ENOX1: variants seen among roughly 807,000 people sequenced by gnomAD.
ENOX1 encodes candidate growth-related and time keeping constitutive hydroquinone (NADH) oxidase.
A neutral mutation model predicts 82.5 loss-of-function variants in ENOX1; 42 were observed. That is an observed-to-expected ratio of 0.51 (90% confidence interval 0.40 to 0.66). The LOEUF is 0.66. Ranked by LOEUF, ENOX1 falls within the 30% of genes least tolerant of loss-of-function variation. ENOX1 has a pLI of 0.00. For synonymous variants in ENOX1, 271 were observed against 282.2 expected (o/e 0.96, Z 0.40); for missense variants, 608 against 811.6 (o/e 0.75, Z 3.05).
At chr13:43,575,932 T>G (rs1450112958) in intron 2 of ENOX1, among the ~76,000 whole-genome samples, 3 of 152,236 alleles carry the variant, frequency 2.0e-5, no homozygotes, top group Non-Finnish European at 4.4e-5. Context: ...AGCAATATGT[T>G]GTAATACATA....
intron 2 of ENOX1, among the ~76,000 whole-genome samples, chr13:43,614,205 A>G (rs1463708639): frequency 2.6e-5 from 4 of 152,204 alleles, no homozygotes; most frequent in East Asian, 1.9e-4. Flanking sequence ...ACAGAGCACC[A>G]TATCAGGGTT....
intron 12 of ENOX1, among the ~76,000 whole-genome samples, chr13:43,288,128 A>G (rs2045804979): frequency 6.6e-6 from 1 of 152,206 alleles, no homozygotes; most frequent in South Asian, 2.1e-4. Flanking sequence ...CGAGGAATGG[A>G]TAAAAAATGA....
chr13:43,782,918 G>C (rs1566922502), intron 1 of ENOX1, among the ~76,000 whole-genome samples: 1 of 152,138 alleles, frequency 6.6e-6, no homozygotes, highest in Non-Finnish European at 1.5e-5. Flanking sequence ...TAACACCTTT[G>C]GCAAGATGGC....
intron 2 of ENOX1, among the ~76,000 whole-genome samples, chr13:43,634,392 G>A (rs1159265770): frequency 6.6e-6 from 1 of 152,212 alleles, no homozygotes; most frequent in African/African-American, 2.4e-5. Flanking sequence ...TTACAGAGGA[G>A]AGGGAGATTT....
At position 43,663,054 on chromosome 13, in the gene ENOX1, C is replaced by G. The variant is rs371587011; in HGVS notation, c.-219+4425G>C. Among the ~76,000 whole-genome samples the G allele has an allele frequency of 2.6e-5, 4 of 152,128 alleles. 1 individual carries two copies. In the South Asian group the frequency reaches 8.3e-4, roughly 32 times the overall value. On this transcript the variant is annotated intron_variant, in intron 2 of 16. Transcript: ENST00000690772. ...AATTCTGTGTGAAAAGCAAAGCAGG[C>G]AAATCTAGTAGAGTAAATGATTCAA...
At chr13:43,616,082 T>TTA (rs199606548) in intron 2 of ENOX1, among the ~76,000 whole-genome samples, 387 of 29,748 alleles carry the variant, frequency 0.013, 9 homozygotes, top group Middle Eastern at 0.053. Context: ...AAGTTTGACA[T>TTA]TATATATATA....
intron 5 of ENOX1, among the ~76,000 whole-genome samples, chr13:43,401,791 A>G (rs73471810): frequency 0.014 from 2,060 of 152,306 alleles, 54 homozygotes; most frequent in African/African-American, 0.048. Flanking sequence ...AAACCGGATG[A>G]AATTATCTCC....
At chr13:43,630,860 T>TATACAC (rs34023929) in intron 2 of ENOX1, among the ~76,000 whole-genome samples, 18 of 147,794 alleles carry the variant, frequency 1.2e-4, no homozygotes, top group East Asian at 2.0e-4. Flanking sequence ...TATATATATA[T>TATACAC]ACACACACAC....
intron 14 of ENOX1, among the ~76,000 whole-genome samples, chr13:43,246,787 G>A (rs2043105179): frequency 6.6e-6 from 1 of 152,226 alleles, no homozygotes; most frequent in East Asian, 1.9e-4. Flanking sequence ...GGCCCCAGGT[G>A]CTTCTCCAGC....
chr13:43,347,002 T>C (rs1263727172), intron 8 of ENOX1, among the ~76,000 whole-genome samples: 1 of 152,220 alleles, frequency 6.6e-6, no homozygotes, highest in East Asian at 1.9e-4. Flanking sequence ...ATTTTTGTTA[T>C]GAGCTTTGCA....
rs568420057 is a variant in ENOX1, at chr13:43,650,871, G to A, written c.-219+16608C>T. ...AAACAAAACCAAACTCCTATAGGTCGGTCTGGTCCACGTTAACAGACTTCT... is the reference window on the plus strand; with the variant it reads ...AAACAAAACCAAACTCCTATAGGTCAGTCTGGTCCACGTTAACAGACTTCT... On this transcript the variant is annotated intron_variant, in intron 2 of 16. Coordinates refer to ENST00000690772, the MANE Select transcript of ENOX1 (RefSeq NM_001347969.2). Among the ~76,000 whole-genome samples the A allele has an allele frequency of 3.9e-5, 6 of 152,244 alleles. No homozygotes were observed. The South Asian group carries it at 6.2e-4, about 16-fold the overall frequency.
At chr13:43,437,700 C>T (rs1433281857) in intron 3 of ENOX1, among the ~76,000 whole-genome samples, 2 of 152,228 alleles carry the variant, frequency 1.3e-5, no homozygotes, top group East Asian at 1.9e-4. Context: ...TATGGCGGAC[C>T]GATTTCAGGG....
intron 3 of ENOX1, among the ~76,000 whole-genome samples, chr13:43,470,378 A>G (rs796697088): frequency 0.16 from 5,752 of 35,482 alleles, 1,782 homozygotes; most frequent in Non-Finnish European, 0.27. Flanking sequence ...ATATATATAC[A>G]TATATATACG....
intron 11 of ENOX1, among the ~76,000 whole-genome samples, chr13:43,299,821 T>C (rs906494024): frequency 6.6e-6 from 1 of 152,124 alleles, no homozygotes; most frequent in Non-Finnish European, 1.5e-5. Context: ...GGGCACGGTG[T>C]GGAGCCCACT....
intron 14 of ENOX1, among the ~76,000 whole-genome samples, chr13:43,261,845 G>T (rs1306245945): frequency 4.8e-5 from 6 of 125,044 alleles, no homozygotes; most frequent in Non-Finnish European, 1.0e-4. Context: ...GTTGTGGGGT[G>T]GGGGGAGGGG....
chr13:43,295,894 G>T (rs1042839329), intron 12 of ENOX1, among the ~76,000 whole-genome samples: 1 of 152,052 alleles, frequency 6.6e-6, no homozygotes, highest in African/African-American at 2.4e-5. Flanking sequence ...GCCATACACC[G>T]CCTAACAACC....
chr13:43,675,815 G>A (rs908295403), intron 1 of ENOX1, among the ~76,000 whole-genome samples: 3 of 152,160 alleles, frequency 2.0e-5, no homozygotes, highest in Non-Finnish European at 2.9e-5. Context: ...CAAGCACTGC[G>A]AGAGAACATT....
intron 2 of ENOX1, among the ~76,000 whole-genome samples, chr13:43,611,107 A>C (rs2082182262): frequency 6.6e-6 from 1 of 152,228 alleles, no homozygotes; most frequent in Non-Finnish European, 1.5e-5. Flanking sequence ...GCCTTGTAAT[A>C]AATTTTGCTT....
chr13:43,630,860 T>TATACACACACAC (rs34023929), intron 2 of ENOX1, among the ~76,000 whole-genome samples: 9,388 of 147,704 alleles, frequency 0.064, 1,011 homozygotes, highest in African/African-American at 0.22. Context: ...TATATATATA[T>TATACACACACAC]ACACACACAC....
Sources: gnomAD v4.1 joint callset for allele counts (sites outside exome capture counted in the v4.1 genomes callset) on GRCh38, gnomAD v4.1.1 for gene constraint, MANE v1.5 for transcripts, NCBI Gene and HGNC (gene_info 2026-07-23, HGNC 2026-07-21) for gene names.